FAF1: variants seen among roughly 807,000 people sequenced by gnomAD.
The protein encoded by FAF1 is FAS-associated factor 1.
FAF1 carries 25 observed loss-of-function variants against 92.5 expected under a neutral mutation model. The ratio of observed to expected loss-of-function variants is 0.27; its 90% CI spans 0.20 to 0.38. The LOEUF (loss-of-function observed/expected upper bound fraction) is 0.38. FAF1 is among the 10% of genes least tolerant of loss of function. The pLI, the probability that FAF1 is intolerant of heterozygous loss-of-function variation, is 1.00. For synonymous variants in FAF1, 234 were observed against 273.2 expected (o/e 0.86, Z 1.42); for missense variants, 636 against 793.3 (o/e 0.80, Z 2.38).
At chr1:50,732,100 A>G (rs1658950124) in intron 6 of FAF1, among the ~76,000 whole-genome samples, 1 of 152,014 alleles carries the variant, frequency 6.6e-6, no homozygotes, top group Non-Finnish European at 1.5e-5. Flanking sequence ...TTTGAGACAG[A>G]GTCTGGCTCT....
intron 8 of FAF1, among the ~76,000 whole-genome samples, chr1:50,620,489 T>A (rs1046862940): frequency 7.9e-5 from 12 of 152,250 alleles, no homozygotes; most frequent in African/African-American, 2.2e-4. Flanking sequence ...GGATTGGGTT[T>A]CAATTTTCTC....
At chr1:50,480,920 C>T (rs2149002255) in intron 17 of FAF1, among the ~76,000 whole-genome samples, 1 of 152,188 alleles carries the variant, frequency 6.6e-6, no homozygotes, top group African/African-American at 2.4e-5. Context: ...TTCCAGTGGA[C>T]AAGATGTGAA....
At chr1:50,840,601 T>C (rs57839936) in intron 2 of FAF1, among the ~76,000 whole-genome samples, 10,082 of 152,066 alleles carry the variant, frequency 0.066, 415 homozygotes, top group East Asian at 0.094. Context: ...CTATATACTT[T>C]AGATTTATGT....
At chr1:50,528,822 C>T (rs977497295) in intron 15 of FAF1, among the ~76,000 whole-genome samples, 1 of 152,190 alleles carries the variant, frequency 6.6e-6, no homozygotes, top group South Asian at 2.1e-4. Flanking sequence ...CTCTCCTCCA[C>T]CTCTCCTCAG....
At chr1:50,580,104 C>A (rs1419553274) in intron 12 of FAF1, among the ~76,000 whole-genome samples, 2 of 152,004 alleles carry the variant, frequency 1.3e-5, no homozygotes, top group Non-Finnish European at 2.9e-5. Context: ...CTAAATGTTT[C>A]TGTGCAGTTT....
chr1:50,559,604 C>A (rs1459987587), intron 13 of FAF1, among the ~76,000 whole-genome samples: 3 of 152,180 alleles, frequency 2.0e-5, no homozygotes, highest in Non-Finnish European at 4.4e-5. Flanking sequence ...TTGCTGCTGG[C>A]AGAACGCAAA....
chr1:50,454,361 T>C (rs1327830677), intron 18 of FAF1, among the ~76,000 whole-genome samples: 2 of 152,238 alleles, frequency 1.3e-5, no homozygotes, highest in Non-Finnish European at 2.9e-5. Flanking sequence ...CCAACCTATA[T>C]GTCCTTCAAG....
intron 6 of FAF1, among the ~76,000 whole-genome samples, chr1:50,713,068 G>A (rs1658005682): frequency 6.7e-6 from 1 of 149,832 alleles, no homozygotes; most frequent in African/African-American, 2.5e-5. Flanking sequence ...GCTGAGGTGG[G>A]AGGACCTCTT....
intron 4 of FAF1, chr1:50,780,918 G>A: frequency 2.0e-6 from 1 of 489,410 alleles, no homozygotes; most frequent in East Asian, 5.6e-5. Flanking sequence ...AAGCAGACAG[G>A]GCCAGAATTG....
At chr1:50,617,310 A>G (rs1318226606) in intron 8 of FAF1, among the ~76,000 whole-genome samples, 1 of 152,126 alleles carries the variant, frequency 6.6e-6, no homozygotes, top group African/African-American at 2.4e-5. Context: ...TATTATTTTG[A>G]GATATGTTCC....
At chr1:50,688,517 A>T (rs917947213) in intron 7 of FAF1, among the ~76,000 whole-genome samples, 7 of 152,172 alleles carry the variant, frequency 4.6e-5, no homozygotes, top group Admixed American at 1.3e-4. Flanking sequence ...GCCTTAAAAA[A>T]ATAATAAAAT....
intron 5 of FAF1, among the ~76,000 whole-genome samples, chr1:50,741,839 T>A (rs1276076481): frequency 6.6e-6 from 1 of 152,064 alleles, no homozygotes; most frequent in East Asian, 1.9e-4. Flanking sequence ...AAATCAAGAG[T>A]TCCATTTTAA....
intron 6 of FAF1, among the ~76,000 whole-genome samples, chr1:50,730,690 C>A (rs1658876980): frequency 6.6e-6 from 1 of 152,204 alleles, no homozygotes; most frequent in Admixed American, 6.5e-5. Flanking sequence ...ATACTATACC[C>A]AAATGGCTCA....
chr1:50,927,406 C>T (rs551320457), intron 1 of FAF1, among the ~76,000 whole-genome samples: 22 of 151,982 alleles, frequency 1.4e-4, no homozygotes, highest in Non-Finnish European at 3.1e-4. Context: ...CATGTTGAAA[C>T]CCCGTTTCTA....
chr1:50,941,189 C>T (rs750001962), intron 1 of FAF1, among the ~76,000 whole-genome samples: 1 of 151,882 alleles, frequency 6.6e-6, no homozygotes. Flanking sequence ...CGCGCTGCCA[C>T]GCTCAACTTT....
At chr1:50,632,580 C>G (rs923791490) in intron 8 of FAF1, among the ~76,000 whole-genome samples, 7 of 152,154 alleles carry the variant, frequency 4.6e-5, no homozygotes, top group African/African-American at 1.7e-4. Context: ...TACATTTACA[C>G]TTTAGGGGTA....
intron 4 of FAF1, among the ~76,000 whole-genome samples, chr1:50,758,415 C>A (rs535993704): frequency 8.5e-4 from 129 of 152,342 alleles, no homozygotes; most frequent in Middle Eastern, 3.4e-3. Flanking sequence ...TGTCTTACGA[C>A]AGAATACTTC....
chr1:50,713,155 C>CAAAAAAAAAAAAAAAAAAAAAAA (rs371395514), intron 6 of FAF1, among the ~76,000 whole-genome samples: 1 of 46,534 alleles, frequency 2.1e-5, no homozygotes. Context: ...GCCAGACCCT[C>CAAAAAAAAAAAAAAAAAAAAAAA]AAAAAAAAAA....
At chr1:50,735,518 C>T (rs1243313538) in intron 6 of FAF1, among the ~76,000 whole-genome samples, 1 of 152,086 alleles carries the variant, frequency 6.6e-6, no homozygotes, top group Non-Finnish European at 1.5e-5. Context: ...CATTTCTTCC[C>T]CTAGAAAGAA....
Sources: gnomAD v4.1 joint callset for allele counts (sites outside exome capture counted in the v4.1 genomes callset) on GRCh38, gnomAD v4.1.1 for gene constraint, MANE v1.5 for transcripts, NCBI Gene and HGNC (gene_info 2026-07-23, HGNC 2026-07-21) for gene names.